ENTPD8: variants seen among roughly 807,000 people sequenced by gnomAD.
The protein encoded by ENTPD8 is E-NTPDase 8.
In ENTPD8, 35 loss-of-function variants were observed where a neutral mutation model predicts 47.0. The ratio of observed to expected loss-of-function variants is 0.75; its 90% confidence interval spans 0.57 to 0.99. The LOEUF is 0.99. Among genes scored for constraint, ENTPD8 ranks in the 50% least tolerant of loss-of-function variants. The probability of loss-of-function intolerance (pLI) is 0.00; values close to 1 mark genes in which losing one functional copy is unlikely to be tolerated. For missense variants in ENTPD8, 668 were observed against 649.9 expected (o/e 1.03, Z -0.30); for synonymous variants, 308 against 290.5 (o/e 1.06, Z -0.61).
Position 137,436,238 on chromosome 9 carries a change from G to A in ENTPD8, c.825C>T (p.Leu275=), listed in dbSNP as rs1839348316. Reference sequence around the variant, plus strand: ...GGGCCAGTGTGGTCTGGTAGCCGCTGAGGTAGCACGGGTGACGGAGCAGGG... The same window carrying A: ...GGGCCAGTGTGGTCTGGTAGCCGCTAAGGTAGCACGGGTGACGGAGCAGGG... The part of the protein sequence containing the change: ...PAALLRHPCY[L]SGYQTTLALG... The change falls in exon 7 of 10, where the codon CTC becomes CTT. Residue 275 remains leucine, a synonymous_variant. Transcript: ENST00000371506. 1 of 1,606,466 alleles carries A rather than the reference G, an allele frequency of 6.2e-7. No homozygotes were observed. Among genetic ancestry groups the A allele is most frequent in the Non-Finnish European group, 8.5e-7 (1 of 1,175,322 alleles).
Position 137,438,512 on chromosome 9 carries a change from C to T in ENTPD8, c.-20-207G>A, listed in dbSNP as rs1281664461. On this transcript the variant is annotated intron_variant, in intron 1 of 9. Coordinates refer to ENST00000371506, the MANE Select transcript of ENTPD8 (RefSeq NM_001033113.2). This position sits in a 1 kb window ranked among gnomAD's most constrained non-coding sequence, Gnocchi z 5.7. ...GTCTCCCGTGGCCTTAGAGGCATCTCCGGGGCTCAGGCGGCCTCCCGTGGC... is the reference window on the plus strand; with the variant it reads ...GTCTCCCGTGGCCTTAGAGGCATCTTCGGGGCTCAGGCGGCCTCCCGTGGC... Among the ~76,000 whole-genome samples the T allele has an allele frequency of 6.6e-6, 1 of 151,480 alleles. No homozygotes were observed.
intron 4 of ENTPD8, 29 bp downstream of exon 4, chr9:137,437,130 C>A: frequency 6.2e-7 from 1 of 1,608,486 alleles, no homozygotes; most frequent in Non-Finnish European, 8.5e-7. Flanking sequence ...AGCCACTCCC[C>A]GTGGGTGCCA....
At position 137,437,230 on chromosome 9, in the gene ENTPD8, C is replaced by A. The variant is rs1291342558; in HGVS notation, c.324G>T (p.Val108=). The change falls in exon 4 of 10, where the codon GTG becomes GTT. Residue 108 remains valine (V), a synonymous_variant. Transcript: ENST00000371506. ...SLQGCLEEAL[V]LIPEAQHRKT... is the part of the protein sequence containing the mutation. ...TCCGATGCTGGGCCTCTGGGATCAG[C>A]ACCAGCGCCTCCTCCAAGCAGCCCT... The A allele has an allele frequency of 2.5e-6, 4 of 1,613,054 alleles. No individual in the cohort carries two copies. The highest frequency in any genetic ancestry group is 1.7e-5 in the Admixed American group (1 of 60,024).
rs1839385707 is a variant in ENTPD8 at position 137,437,045 on chromosome 9, A to AG, written c.396-18dup. The AG allele has an allele frequency of 1.2e-6, 2 of 1,609,754 alleles. No individual in the cohort carries two copies. Among genetic ancestry groups the AG allele is most frequent in the Non-Finnish European group, 1.7e-6 (2 of 1,177,966 alleles). ...TTCTTCCGGCTGGGCACAGAGGACC[A>AG]GGGGCTGGAGCTGGCTGGAAGCCTG... is the stretch of plus-strand genomic sequence containing the variant. On this transcript the variant is annotated splice_polypyrimidine_tract_variant and intron_variant, in intron 4 of 9. Coordinates refer to ENST00000371506, the MANE Select transcript of ENTPD8 (RefSeq NM_001033113.2).
In ENTPD8 at chr9:137,436,742, T is replaced by C. The variant is rs1322155031; in HGVS notation, c.565A>G (p.Thr189Ala). The change falls in exon 6 of 10, where the codon ACT becomes GCT. Residue 189 changes from threonine (T) to alanine (A), a missense_variant. Thr to Ala is a moderately conservative substitution (Grantham distance 58). Coordinates refer to ENST00000371506, the MANE Select transcript of ENTPD8 (RefSeq NM_001033113.2). ...TCCGGAGGCTGGATCCATTCTCCAGTGAAGGAGTACTGGGCACAGAAGGGG... is the reference window on the plus strand; with the variant it reads ...TCCGGAGGCTGGATCCATTCTCCAGCGAAGGAGTACTGGGCACAGAAGGGG... ...GLGTLVKYSF[T>A]GEWIQPPEEM... 3.1e-6 allele frequency: 5 copies of C among 1,604,444 alleles called. No individual in the cohort carries two copies. Among genetic ancestry groups the C allele is most frequent in the Non-Finnish European group, 4.3e-6 (5 of 1,175,812 alleles).
In ENTPD8 at chr9:137,436,990, G is replaced by A. The variant is rs754517266; in HGVS notation, c.434C>T (p.Ala145Val). 1.2e-6 allele frequency: 2 copies of A among 1,612,924 alleles called. 1 individual carries two copies. Among genetic ancestry groups the A allele is most frequent in the South Asian group, 2.2e-5 (2 of 91,084 alleles). The change falls in exon 5 of 10, where the codon GCA becomes GTA. Residue 145 changes from alanine to valine, a missense_variant. By Grantham distance (64) the Ala-to-Val change is moderately conservative. Coordinates refer to ENST00000371506, the MANE Select transcript of ENTPD8 (RefSeq NM_001033113.2). ...AGACCGGCCCAGGACCTGGGTGACT[G>A]CTGCAAAGATGTCCCTGGCCTGAGA... ...NSSQARDIFA[A>V]VTQVLGRSPV...
At position 137,438,160 on chromosome 9, in the gene ENTPD8, C is replaced by T; in HGVS notation, c.126G>A (p.Lys42=). The T allele has an allele frequency of 6.2e-7, 1 of 1,610,024 alleles. No individual in the cohort carries two copies. The highest frequency in any genetic ancestry group is 8.5e-7 in the Non-Finnish European group (1 of 1,178,246). ...ATSVLLPTDI[K]FGIVFDAGSS... ...GCCTCCCCTGCCGGCGGGGACGCAC[C>T]TTGATGTCTGTGGGCAGGAGCACGC... Residue 42 remains lysine, a splice_region_variant and synonymous_variant, in exon 2 of 10, where the codon AAG becomes AAA. Coordinates refer to ENST00000371506, the MANE Select transcript of ENTPD8 (RefSeq NM_001033113.2). The surrounding 1 kb of genome is among the most constrained non-coding windows in gnomAD (Gnocchi z 5.7).
At chr9:137,439,099 T>A (rs974334097) in intron 1 of ENTPD8, among the ~76,000 whole-genome samples, 1 of 152,124 alleles carries the variant, frequency 6.6e-6, no homozygotes, top group Non-Finnish European at 1.5e-5. Flanking sequence ...AAGCCGAGTG[T>A]GAGGCTTCTT....
rs191102955 is a variant in ENTPD8 at position 137,439,245 on chromosome 9, C to A, written c.-20-940G>T. Among the ~76,000 whole-genome samples, 3 of 152,286 alleles carry A rather than the reference C, an allele frequency of 2.0e-5. No homozygotes were observed. The East Asian group carries it at 5.8e-4, about 29-fold the overall frequency. Reference sequence around the variant, plus strand: ...ATCTGAGGGGCCTGGGCTTCTCTAGCCCTGTGGCCGAGGTGTCCACCTCCT... The same window carrying A: ...ATCTGAGGGGCCTGGGCTTCTCTAGACCTGTGGCCGAGGTGTCCACCTCCT... On this transcript the variant is annotated intron_variant, in intron 1 of 9. Transcript: ENST00000371506.
intron 6 of ENTPD8, 88 bp from the exon 7 acceptor site, chr9:137,436,364 C>T (rs570963224): frequency 3.5e-5 from 49 of 1,420,056 alleles, no homozygotes; most frequent in African/African-American, 2.6e-4. Context: ...GCCAGCCCCG[C>T]GCCCATACCC....
Position 137,434,469 on chromosome 9 carries a change from CTCCA to C in ENTPD8, c.*441_*444del. ...CCCAGCAGAAGCCCCCAGGCCTGGA[CTCCA>C]TCCATCTGCTCAGACAACAGCAGGG... On this transcript the variant is annotated 3_prime_UTR_variant, in exon 10 of 10. Coordinates refer to ENST00000371506, the MANE Select transcript of ENTPD8 (RefSeq NM_001033113.2). 7.8e-7 allele frequency: 1 copy of C among 1,281,366 alleles called. No individual in the cohort carries two copies. The highest frequency in any genetic ancestry group is 1.1e-6 in the Non-Finnish European group (1 of 936,038). 79.4% of individuals were successfully genotyped at this position (1,281,366 alleles called of 1,614,324 possible). A position where few individuals can be genotyped will look rare whatever the true frequency, so the allele number is the denominator to read the frequency against.
chr9:137,437,849 C>G (rs954138556), intron 3 of ENTPD8, 118 bp downstream of exon 3: 1 of 913,680 alleles, frequency 1.1e-6, no homozygotes, highest in East Asian at 2.4e-5. Context: ...CACCCATGCC[C>G]GGCGTGTGAG....
intron 3 of ENTPD8, 25 bp downstream of exon 3, chr9:137,437,942 C>G (rs1839414106): frequency 1.9e-6 from 3 of 1,581,138 alleles, no homozygotes; most frequent in Non-Finnish European, 2.6e-6. Context: ...GGTCCCAGCA[C>G]CGGGCTGCAG....
rs1294283699 is a variant in ENTPD8, at chr9:137,435,722, T to A, written c.1158A>T (p.Lys386Asn). ...AGGGAGCCCAGGGCCCACCCACCAGTTTCCAGGGCCTCTGGCAAAACTCCC... is the reference window on the plus strand; with the variant it reads ...AGGGAGCCCAGGGCCCACCCACCAGATTCCAGGGCCTCTGGCAAAACTCCC... ...TIWEFCQRPW[K>N]LVEASYPGQD... The change falls in exon 8 of 10, where the codon AAA becomes AAT. Residue 386 changes from lysine to asparagine, a missense_variant. Physicochemically the swap from Lys to Asn is moderately conservative, Grantham distance 94 (BLOSUM62 0). Transcript: ENST00000371506. The A allele has an allele frequency of 3.7e-6, 6 of 1,612,118 alleles. No individual in the cohort carries two copies. The highest frequency in any genetic ancestry group is 5.1e-6 in the Non-Finnish European group (6 of 1,179,256).
chr9:137,436,743 G>A lies in ENTPD8; in HGVS notation c.564C>T (p.Phe188=). The change falls in exon 6 of 10, where the codon TTC becomes TTT. Residue 188 remains phenylalanine (F), a synonymous_variant. Transcript: ENST00000371506. ...YGLGTLVKYS[F]TGEWIQPPEE... ...CCGGAGGCTGGATCCATTCTCCAGT[G>A]AAGGAGTACTGGGCACAGAAGGGGC... 3.1e-6 allele frequency: 5 copies of A among 1,604,832 alleles called. No individual in the cohort carries two copies. The highest frequency in any genetic ancestry group is 4.3e-6 in the Non-Finnish European group (5 of 1,175,898).
In ENTPD8 at chr9:137,434,663, C is replaced by T. The variant is rs1266093379; in HGVS notation, c.*251G>A. ...CTGGAGACACCACGAGTCCTGGCGG[C>T]CTGTGTGCAGAAAGGCACCTACGGC... On this transcript the variant is annotated 3_prime_UTR_variant, in exon 10 of 10. Transcript: ENST00000371506. 6 of 605,866 alleles carry T rather than the reference C, an allele frequency of 9.9e-6. No individual in the cohort carries two copies. In the East Asian group the frequency reaches 1.8e-4, roughly 18 times the overall value. The allele number at this position is 605,866 out of a possible 1,614,324, so 37.5% of individuals were successfully genotyped here. A position where few individuals can be genotyped will look rare whatever the true frequency, so the allele number is the denominator to read the frequency against.
chr9:137,436,202 C>G lies in ENTPD8; in HGVS notation c.861G>C (p.Leu287=). 6.2e-7 allele frequency: 1 copy of G among 1,612,608 alleles called. No homozygotes were observed. Among genetic ancestry groups the G allele is most frequent in the Non-Finnish European group, 8.5e-7 (1 of 1,179,782 alleles). ...GYQTTLALGP[L]YESPCVHATP... Reference sequence around the variant, plus strand: ...TGGCGTGGACACAGGGTGACTCATACAGCGGGCCCAGGGCCAGTGTGGTCT... The same window carrying G: ...TGGCGTGGACACAGGGTGACTCATAGAGCGGGCCCAGGGCCAGTGTGGTCT... Residue 287 remains leucine (L), a synonymous_variant, in exon 7 of 10, where the codon CTG becomes CTC. Coordinates refer to ENST00000371506, the MANE Select transcript of ENTPD8 (RefSeq NM_001033113.2).
chr9:137,435,859 C>T (rs779329506), intron 7 of ENTPD8, 30 bp from the exon 8 acceptor site: 35 of 1,608,988 alleles, frequency 2.2e-5, no homozygotes, highest in South Asian at 5.5e-5. Context: ...GCTGTGCCTT[C>T]GCTGTGGCCA....
chr9:137,435,915 G>A, intron 7 of ENTPD8, 86 bp from the exon 8 acceptor site: 2 of 1,601,980 alleles, frequency 1.2e-6, no homozygotes, highest in Admixed American at 3.4e-5. Context: ...GCCCCTAAGA[G>A]CCAGCCTGGG....
Sources: allele counts gnomAD v4.1 joint callset (sites outside exome capture counted in the v4.1 genomes callset), GRCh38; gene constraint gnomAD v4.1.1; non-coding constraint Gnocchi (gnomAD v3.1); transcripts MANE v1.5; gene names NCBI Gene and HGNC (gene_info 2026-07-23, HGNC 2026-07-21).